RALYL: variants seen among roughly 807,000 people sequenced by gnomAD.
RALYL encodes RNA-binding Raly-like protein.
In RALYL, 29 loss-of-function variants were observed where a neutral mutation model predicts 35.1. The ratio of observed to expected loss-of-function variants is 0.83; its 90% CI spans 0.61 to 1.13. RALYL has a LOEUF of 1.13. Among genes scored for constraint, RALYL ranks in the 50% most tolerant of loss-of-function variants. The pLI is 0.00. For synonymous variants in RALYL, 120 were observed against 127.6 expected (o/e 0.94, Z 0.40); for missense variants, 359 against 360.4 (o/e 1.00, Z 0.03).
intron 2 of RALYL, among the ~76,000 whole-genome samples, chr8:84,622,179 G>C (rs1016110072): frequency 1.3e-5 from 2 of 152,158 alleles, no homozygotes; most frequent in Non-Finnish European, 2.9e-5. Context: ...CTGCATGAAT[G>C]AGAGGAAAGA....
At position 84,415,160 on chromosome 8, in the gene RALYL, G is replaced by GTT. The variant is rs755615169; in HGVS notation, c.-23-114125_-23-114124dup. Among the ~76,000 whole-genome samples, 533 of 83,036 alleles carry GTT rather than the reference G, an allele frequency of 6.4e-3. 2 individuals carry two copies. The highest frequency in any genetic ancestry group is 0.024 in the African/African-American group (477 of 20,210). The allele number at this position is 83,036 out of a possible 152,430, so 54.5% of individuals were successfully genotyped here. A position where few individuals can be genotyped will look rare whatever the true frequency, so the allele number is the denominator to read the frequency against. ...CCCTTCACTCTAATATTCTGCCTCT[G>GTT]TTTTTTTTTTTTTTTAATGGAAGTT... On this transcript the variant is annotated intron_variant, in intron 1 of 8. Coordinates refer to ENST00000521268, the MANE Select transcript of RALYL (RefSeq NM_173848.7).
At chr8:84,206,490 G>A (rs1407124045) in intron 1 of RALYL, among the ~76,000 whole-genome samples, 1 of 152,158 alleles carries the variant, frequency 6.6e-6, no homozygotes, top group Non-Finnish European at 1.5e-5. Flanking sequence ...ACAGTTTAGT[G>A]AGAGCATATG....
intron 1 of RALYL, among the ~76,000 whole-genome samples, chr8:84,220,664 T>A (rs1217635070): frequency 2.0e-5 from 3 of 152,032 alleles, no homozygotes; most frequent in African/African-American, 7.2e-5. Flanking sequence ...CAATATTTTA[T>A]TTCCCCCAGG....
intron 1 of RALYL, among the ~76,000 whole-genome samples, chr8:84,241,133 C>A (rs1327874493): frequency 2.0e-5 from 3 of 152,074 alleles, no homozygotes; most frequent in African/African-American, 4.8e-5. Context: ...CACATACACA[C>A]GTGTACATGA....
chr8:84,266,625 T>C (rs1833347719), intron 1 of RALYL, among the ~76,000 whole-genome samples: 1 of 152,126 alleles, frequency 6.6e-6, no homozygotes, highest in Admixed American at 6.5e-5. Flanking sequence ...AGACAGAGAT[T>C]GAGAGTTCCT....
chr8:84,515,049 A>T (rs2057947822), intron 1 of RALYL, among the ~76,000 whole-genome samples: 2 of 152,204 alleles, frequency 1.3e-5, no homozygotes. Flanking sequence ...CTGGTCTCTC[A>T]AGCCTATAAA....
chr8:84,368,283 G>A (rs73296896), intron 1 of RALYL, among the ~76,000 whole-genome samples: 6,971 of 152,132 alleles, frequency 0.046, 220 homozygotes, highest in African/African-American at 0.076. Context: ...TATTACAAAC[G>A]TAGTTTAAAA....
intron 2 of RALYL, among the ~76,000 whole-genome samples, chr8:84,765,988 A>G (rs1446838712): frequency 6.6e-6 from 1 of 152,234 alleles, no homozygotes; most frequent in African/African-American, 2.4e-5. Flanking sequence ...TCAAAGTTAA[A>G]TATATCTGAA....
At chr8:84,301,816 C>A (rs540715701) in intron 1 of RALYL, among the ~76,000 whole-genome samples, 1 of 151,934 alleles carries the variant, frequency 6.6e-6, no homozygotes, top group African/African-American at 2.4e-5. Context: ...TTAATTAATC[C>A]TAATTATCAA....
At chr8:84,878,780 C>T (rs1245917131) in intron 7 of RALYL, among the ~76,000 whole-genome samples, 2 of 151,050 alleles carry the variant, frequency 1.3e-5, no homozygotes, top group South Asian at 2.1e-4. Flanking sequence ...AAAACTCTCC[C>T]AGAAAATATG....
rs1324133007 is a variant in RALYL, at chr8:84,462,237, T to G, written c.-23-67062T>G. Reference sequence around the variant, plus strand: ...TCATTGCTTATTTGTCATCTGTTTATCTTCTTTGATGAGATGTTCTTCAGA... The same window carrying G: ...TCATTGCTTATTTGTCATCTGTTTAGCTTCTTTGATGAGATGTTCTTCAGA... On this transcript the variant is annotated intron_variant, in intron 1 of 8. Transcript: ENST00000521268. Among the ~76,000 whole-genome samples, 3 of 151,842 alleles carry G rather than the reference T, an allele frequency of 2.0e-5. No individual in the cohort carries two copies. The East Asian group carries it at 5.8e-4, about 29-fold the overall frequency.
At chr8:84,197,426 C>G (rs1276576634) in intron 1 of RALYL, among the ~76,000 whole-genome samples, 1 of 152,084 alleles carries the variant, frequency 6.6e-6, no homozygotes, top group Non-Finnish European at 1.5e-5. Context: ...GAAGATAATC[C>G]TACAACTTCT....
intron 1 of RALYL, among the ~76,000 whole-genome samples, chr8:84,235,974 C>T (rs1826461943): frequency 6.6e-6 from 1 of 151,852 alleles, no homozygotes; most frequent in African/African-American, 2.4e-5. Flanking sequence ...ACCATGTTGG[C>T]CAGGATGGTC....
chr8:84,881,278 A>G (rs1842136537), intron 7 of RALYL, among the ~76,000 whole-genome samples: 3 of 152,034 alleles, frequency 2.0e-5, no homozygotes, highest in Admixed American at 6.6e-5. Flanking sequence ...AATTAATACT[A>G]TATACAGGTG....
chr8:84,517,516 A>G (rs190534707), intron 1 of RALYL, among the ~76,000 whole-genome samples: 231 of 152,292 alleles, frequency 1.5e-3, no homozygotes, highest in African/African-American at 5.3e-3. Flanking sequence ...AAATTATATC[A>G]GATAAAATAC....
chr8:84,724,170 C>T (rs1249575527), intron 2 of RALYL, among the ~76,000 whole-genome samples: 1 of 151,422 alleles, frequency 6.6e-6, no homozygotes, highest in Non-Finnish European at 1.5e-5. Context: ...AAAATTGTAC[C>T]AGAGGGAGCC....
chr8:84,676,558 C>T (rs774854735), intron 2 of RALYL, among the ~76,000 whole-genome samples: 1 of 152,112 alleles, frequency 6.6e-6, no homozygotes, highest in African/African-American at 2.4e-5. Flanking sequence ...GAATCTGTCT[C>T]CAGAATTTTA....
At chr8:84,488,461 C>A (rs2054891571) in intron 1 of RALYL, among the ~76,000 whole-genome samples, 1 of 152,010 alleles carries the variant, frequency 6.6e-6, no homozygotes. Flanking sequence ...TGTTGTTGCT[C>A]CATGTTCTGC....
chr8:84,493,032 C>G (rs1346002888), intron 1 of RALYL, among the ~76,000 whole-genome samples: 2 of 151,986 alleles, frequency 1.3e-5, no homozygotes, highest in East Asian at 1.9e-4. Flanking sequence ...TTAAGCCCCG[C>G]ATGCATTAAC....
Sources: allele counts gnomAD v4.1 joint callset (sites outside exome capture counted in the v4.1 genomes callset), GRCh38; gene constraint gnomAD v4.1.1; transcripts MANE v1.5; gene names NCBI Gene and HGNC (gene_info 2026-07-23, HGNC 2026-07-21).